Variants in MOCOS observed in about 807,000 individuals in gnomAD.
MOCOS encodes molybdenum cofactor sulfurase, also known as human molybdenum cofactor sulfurase.
In MOCOS, 86 loss-of-function variants were observed where a neutral mutation model predicts 83.6. That is an observed-to-expected ratio of 1.03 (90% CI 0.86 to 1.23). The LOEUF is 1.23. Among genes scored for constraint, MOCOS ranks in the 50% most tolerant of loss-of-function variants. The probability of loss-of-function intolerance (pLI) is 0.00; values close to 1 mark genes in which losing one functional copy is unlikely to be tolerated. For synonymous variants in MOCOS, 445 were observed against 434.7 expected (o/e 1.02, Z -0.29); for missense variants, 1,120 against 1,126.9 (o/e 0.99, Z 0.09).
rs368282791 is a variant in MOCOS at position 36,202,863 on chromosome 18, C to T, written c.942-250C>T. The stretch of plus-strand genomic sequence containing the variant: ...TGCCATTTATAAAACCATCAGATCT[C>T]GTGAGAACTCCCTCACTATCACGAA... On this transcript the variant is annotated intron_variant, in intron 4 of 14. Coordinates refer to ENST00000261326, the MANE Select transcript of MOCOS (RefSeq NM_017947.4). 1.1e-4 allele frequency among the ~76,000 whole-genome samples: 16 copies of T among 152,192 alleles called. No homozygotes were observed. In the East Asian group the frequency reaches 1.5e-3, roughly 15 times the overall value.
At chr18:36,219,944 T>C in intron 8 of MOCOS, 111 bp from the exon 9 acceptor site, 1 of 1,331,070 alleles carries the variant, frequency 7.5e-7, no homozygotes, top group Non-Finnish European at 1.1e-6. Context: ...TTCCTTCCAG[T>C]GTAGGTGCTG....
intron 14 of MOCOS, among the ~76,000 whole-genome samples, chr18:36,267,657 G>A (rs950783003): frequency 6.6e-6 from 1 of 152,188 alleles, no homozygotes; most frequent in African/African-American, 2.4e-5. Flanking sequence ...ACAGCAGCAT[G>A]TCTGTCAATG....
intron 11 of MOCOS, among the ~76,000 whole-genome samples, chr18:36,253,986 G>A (rs1190631963): frequency 6.6e-6 from 1 of 152,202 alleles, no homozygotes; most frequent in Admixed American, 6.5e-5. Flanking sequence ...AAAGGCACAG[G>A]TGGGAGGCAG....
chr18:36,246,192 T>C (rs931146823), intron 9 of MOCOS, among the ~76,000 whole-genome samples: 1 of 152,238 alleles, frequency 6.6e-6, no homozygotes, highest in Admixed American at 6.5e-5. Context: ...GATGGTGTTA[T>C]AGAACCTTGT....
chr18:36,217,369 TATTAA>T (rs1269578688), intron 8 of MOCOS, among the ~76,000 whole-genome samples: 4 of 152,198 alleles, frequency 2.6e-5, no homozygotes, highest in African/African-American at 9.6e-5. Flanking sequence ...ATATTAAAAA[TATTAA>T]ATTTTAATTT....
At chr18:36,232,381 A>G (rs1167939849) in intron 9 of MOCOS, among the ~76,000 whole-genome samples, 1 of 152,224 alleles carries the variant, frequency 6.6e-6, no homozygotes, top group African/African-American at 2.4e-5. Flanking sequence ...ACAATGTGAT[A>G]CTTTGATACA....
At position 36,251,201 on chromosome 18, in the gene MOCOS, G is replaced by A. The variant is rs748662002; in HGVS notation, c.2082G>A (p.Leu694=). ...YDCGEKISSW[L]STFFGRPCHL... The stretch of plus-strand genomic sequence containing the variant: ...GTGGAGAAAAAATTTCAAGCTGGTT[G>A]TCAACATTTTTTGGCCGTCCTTGTC... Residue 694 remains leucine, a synonymous_variant, in exon 11 of 15, where the codon TTG becomes TTA. Coordinates refer to ENST00000261326, the MANE Select transcript of MOCOS (RefSeq NM_017947.4). 2.4e-5 allele frequency: 39 copies of A among 1,613,724 alleles called. No individual in the cohort carries two copies. In the Admixed American group the frequency reaches 6.0e-4, roughly 25 times the overall value.
chr18:36,261,640 T>C (rs2091663718), intron 13 of MOCOS, among the ~76,000 whole-genome samples: 2 of 152,176 alleles, frequency 1.3e-5, no homozygotes, highest in African/African-American at 4.8e-5. Context: ...GTTTTTGATG[T>C]TTTTAACTCC....
chr18:36,225,428 G>C (rs910997835), intron 9 of MOCOS, among the ~76,000 whole-genome samples: 10 of 152,334 alleles, frequency 6.6e-5, no homozygotes, highest in Admixed American at 6.5e-4. Context: ...GGGATTACAA[G>C]CGTGAGCCAC....
chr18:36,234,813 A>C (rs1015148139), intron 9 of MOCOS, among the ~76,000 whole-genome samples: 2 of 152,180 alleles, frequency 1.3e-5, no homozygotes, highest in African/African-American at 2.4e-5. Context: ...ATTATGGTGG[A>C]AGGCAAAGGG....
intron 6 of MOCOS, among the ~76,000 whole-genome samples, chr18:36,207,321 G>C (rs1268229116): frequency 6.6e-6 from 1 of 152,182 alleles, no homozygotes; most frequent in Non-Finnish European, 1.5e-5. Flanking sequence ...ACAGGCATAA[G>C]TCACCATGCT....
chr18:36,194,865 G>A (rs1301873590), intron 1 of MOCOS, among the ~76,000 whole-genome samples: 3 of 152,260 alleles, frequency 2.0e-5, no homozygotes, highest in African/African-American at 4.8e-5. Context: ...GGGGTGCAGA[G>A]CAGTGTGGGA....
Position 36,215,841 on chromosome 18 carries a change from C to A in MOCOS, c.1661C>A (p.Ala554Asp). ...NSSTVNAVPV[A>D]PPVCDVARTQ... ...TCTACTGTGAATGCTGTGCCTGTGG[C>A]CCCACCTGTGTGTGATGTCGCCAGA... is the stretch of plus-strand genomic sequence containing the variant. Residue 554 changes from alanine to aspartate, a missense_variant, in exon 8 of 15, where the codon GCC becomes GAC. Transcript: ENST00000261326. 1.2e-6 allele frequency: 2 copies of A among 1,614,218 alleles called. No homozygotes were observed. The highest frequency in any genetic ancestry group is 8.5e-7 in the Non-Finnish European group (1 of 1,180,042).
chr18:36,268,249 T>A (rs1316871420), intron 14 of MOCOS, among the ~76,000 whole-genome samples: 3 of 152,168 alleles, frequency 2.0e-5, no homozygotes, highest in African/African-American at 7.2e-5. Flanking sequence ...AAAGTCCTTC[T>A]GCAGGAAGTT....
At chr18:36,223,112 A>C (rs1482925088) in intron 9 of MOCOS, among the ~76,000 whole-genome samples, 1 of 151,948 alleles carries the variant, frequency 6.6e-6, no homozygotes, top group Non-Finnish European at 1.5e-5. Context: ...CCATTTGTGT[A>C]TTTTTGTTTT....
chr18:36,192,429 C>T (rs911167936), intron 1 of MOCOS, among the ~76,000 whole-genome samples: 3 of 152,070 alleles, frequency 2.0e-5, no homozygotes, highest in Non-Finnish European at 2.9e-5. Flanking sequence ...AATTGTAAAA[C>T]ATCATTGAAA....
At position 36,251,037 on chromosome 18, in the gene MOCOS, G is replaced by A. The variant is rs540291691; in HGVS notation, c.2040-122G>A. 49 of 1,228,146 alleles carry A rather than the reference G, an allele frequency of 4.0e-5. No homozygotes were observed. In the Admixed American group the frequency reaches 7.3e-4, roughly 18 times the overall value. The allele number at this position is 1,228,146 out of a possible 1,614,324, so 76.1% of individuals were successfully genotyped here. A position where few individuals can be genotyped will look rare whatever the true frequency, so the allele number is the denominator to read the frequency against. ...CTTGCAGCATCTGTCACTTCAGGCT[G>A]CCTTCAGGGCTCATGCAATGTTTTG... On this transcript the variant is annotated intron_variant, in intron 10 of 14. Coordinates refer to ENST00000261326, the MANE Select transcript of MOCOS (RefSeq NM_017947.4).
intron 11 of MOCOS, among the ~76,000 whole-genome samples, chr18:36,254,825 T>A (rs2091636088): frequency 6.6e-6 from 1 of 152,164 alleles, no homozygotes; most frequent in Admixed American, 6.5e-5. Context: ...AAACATTTTT[T>A]AAAGTTTACT....
chr18:36,267,603 A>C (rs995427547), intron 14 of MOCOS, among the ~76,000 whole-genome samples: 3 of 152,206 alleles, frequency 2.0e-5, no homozygotes, highest in Non-Finnish European at 4.4e-5. Flanking sequence ...TTTTCTTACC[A>C]ATATGGGATA....
Sources: gnomAD v4.1 joint callset for allele counts (sites outside exome capture counted in the v4.1 genomes callset) on GRCh38, gnomAD v4.1.1 for gene constraint, MANE v1.5 for transcripts, NCBI Gene and HGNC (gene_info 2026-07-23, HGNC 2026-07-21) for gene names.